The following AMPD3 variants were observed in gnomAD, a reference collection of about 807,000 sequenced individuals.
AMPD3 encodes adenosine monophosphate deaminase 3.
In AMPD3, 57 loss-of-function variants were observed where a neutral mutation model predicts 82.3. The observed-to-expected ratio is 0.69, with a 90% CI of 0.56 to 0.86. The LOEUF (loss-of-function observed/expected upper bound fraction) is 0.86. Ranked by LOEUF, AMPD3 falls within the 40% of genes least tolerant of loss-of-function variation. The probability of loss-of-function intolerance (pLI) is 0.00; values close to 1 mark genes in which losing one functional copy is unlikely to be tolerated. For missense variants in AMPD3, 870 were observed against 1,003.8 expected (o/e 0.87, Z 1.80); for synonymous variants, 381 against 394.7 (o/e 0.97, Z 0.41).
chr11:10,489,218 C>A (rs1264082084), intron 6 of AMPD3, among the ~76,000 whole-genome samples: 2 of 152,218 alleles, frequency 1.3e-5, no homozygotes, highest in Non-Finnish European at 2.9e-5. Context: ...CTCCTCTCAG[C>A]CCTGCCCAAA....
At chr11:10,493,651 C>T (rs1370428418) in intron 7 of AMPD3, 108 bp downstream of exon 7, 4 of 1,263,678 alleles carry the variant, frequency 3.2e-6, no homozygotes, top group South Asian at 1.3e-5. Flanking sequence ...GCTACGGAAG[C>T]AGCTTTCTCT....
intron 2 of AMPD3, among the ~76,000 whole-genome samples, chr11:10,472,518 T>G (rs974775667): frequency 6.6e-6 from 1 of 152,190 alleles, no homozygotes; most frequent in African/African-American, 2.4e-5. Context: ...GGACAGCCGC[T>G]TCCCTAGAAT....
intron 2 of AMPD3, among the ~76,000 whole-genome samples, chr11:10,471,249 T>A (rs1422866639): frequency 1.3e-5 from 2 of 152,070 alleles, no homozygotes. Context: ...TTGGGAAAAC[T>A]GGCTAGCCAT....
At chr11:10,480,668 C>A (rs11042833) in intron 3 of AMPD3, among the ~76,000 whole-genome samples, 1 of 151,210 alleles carries the variant, frequency 6.6e-6, no homozygotes, top group East Asian at 1.9e-4. Context: ...TTCTTTAAAC[C>A]TGTGAGAAAT....
rs905727075 is a variant in AMPD3, at chr11:10,488,679, C to G, written c.939+1315C>G. 2.0e-4 allele frequency among the ~76,000 whole-genome samples: 31 copies of G among 152,098 alleles called. 1 individual carries two copies. Among genetic ancestry groups the G allele is most frequent in the Admixed American group, 1.7e-3 (26 of 15,280 alleles). ...GTGGTGGCGAGCTGGGAGAGAAGCTCCTGGGGGAAGAGTCGGGATCAGGCT... is the reference window on the plus strand; with the variant it reads ...GTGGTGGCGAGCTGGGAGAGAAGCTGCTGGGGGAAGAGTCGGGATCAGGCT... On this transcript the variant is annotated intron_variant, in intron 6 of 14. Coordinates refer to ENST00000396553, the MANE Select transcript of AMPD3 (RefSeq NM_001025389.2).
chr11:10,457,412 A>C (rs1420496722), intron 1 of AMPD3, among the ~76,000 whole-genome samples: 10 of 152,070 alleles, frequency 6.6e-5, no homozygotes, highest in Non-Finnish European at 1.5e-4. Context: ...GAGCCTTATG[A>C]ATGTGAGTTG....
At position 10,455,321 on chromosome 11, in the gene AMPD3, C is replaced by T; in HGVS notation, c.-133C>T. The T allele has an allele frequency of 1.0e-6, 1 of 985,464 alleles. No homozygotes were observed. The highest frequency in any genetic ancestry group is 1.2e-6 in the Non-Finnish European group (1 of 829,974). The allele number at this position is 985,464 out of a possible 1,614,324, so 61.0% of individuals were successfully genotyped here. A position where few individuals can be genotyped will look rare whatever the true frequency, so the allele number is the denominator to read the frequency against. On this transcript the variant is annotated 5_prime_UTR_variant, in exon 1 of 15. Transcript: ENST00000396553. ...TTGCACCCTGTGATGCCATTTTAAT[C>T]AACCCTGCTTGGTTTTAGAGGATTG...
rs376493129 is a variant in AMPD3 at position 10,495,557 on chromosome 11, C to A, written c.1267-13C>A. The A allele has an allele frequency of 1.1e-4, 182 of 1,612,414 alleles. No individual in the cohort carries two copies. Among genetic ancestry groups the A allele is most frequent in the Middle Eastern group, 2.1e-4 (1 of 4,792 alleles). On this transcript the variant is annotated splice_polypyrimidine_tract_variant and intron_variant, in intron 8 of 14. Transcript: ENST00000396553. ...GGATGCACTGGGGCTGACCCAAGCT[C>A]TTCTTGTGCCAGGAGGTTGCCCGGG...
chr11:10,461,300 T>C, intron 1 of AMPD3: 1 of 1,543,036 alleles, frequency 6.5e-7, no homozygotes, highest in South Asian at 1.1e-5. Context: ...GAACACTTGC[T>C]TTCTCCTGAC....
At chr11:10,467,204 A>G (rs1442377146) in intron 2 of AMPD3, among the ~76,000 whole-genome samples, 1 of 152,200 alleles carries the variant, frequency 6.6e-6, no homozygotes, top group East Asian at 1.9e-4. Context: ...GAAGGTGGGT[A>G]ATAACAAACG....
upstream of AMPD3, among the ~76,000 whole-genome samples, chr11:10,451,961 G>A (rs1847974629): frequency 6.6e-6 from 1 of 152,194 alleles, no homozygotes; most frequent in Non-Finnish European, 1.5e-5. Flanking sequence ...CAGCAGGTCT[G>A]GGGTAGTTGG....
At chr11:10,487,017 T>C (rs35410520) in intron 5 of AMPD3, 77,214 of 984,598 alleles carry the variant, frequency 0.078, 3,344 homozygotes, top group Non-Finnish European at 0.087. Context: ...AGAGCTGGCC[T>C]GCTACTGCCC....
At chr11:10,471,689 T>G (rs1289442728) in intron 2 of AMPD3, among the ~76,000 whole-genome samples, 1 of 152,048 alleles carries the variant, frequency 6.6e-6, no homozygotes, top group Non-Finnish European at 1.5e-5. Flanking sequence ...AACAAACATA[T>G]GAAAAAATGC....
chr11:10,478,006 C>T, intron 2 of AMPD3: 9 of 985,458 alleles, frequency 9.1e-6, no homozygotes, highest in Non-Finnish European at 1.1e-5. Flanking sequence ...ATCCCTCTCT[C>T]TTCTGGCTCC....
chr11:10,475,295 A>G (rs1184564913), intron 2 of AMPD3, among the ~76,000 whole-genome samples: 2 of 152,150 alleles, frequency 1.3e-5, no homozygotes, highest in Non-Finnish European at 2.9e-5. Flanking sequence ...AGATGGTGCT[A>G]GACCATTCAT....
intron 2 of AMPD3, among the ~76,000 whole-genome samples, chr11:10,464,262 G>A (rs981627845): frequency 1.3e-5 from 2 of 152,230 alleles, no homozygotes; most frequent in Non-Finnish European, 2.9e-5. Context: ...GTACTAGCCT[G>A]TGTAGGTTGG....
chr11:10,478,657 C>T lies in AMPD3; in HGVS notation c.353C>T (p.Ser118Phe), dbSNP rs758624728. The T allele has an allele frequency of 1.9e-6, 3 of 1,614,240 alleles. No individual in the cohort carries two copies. The highest frequency in any genetic ancestry group is 2.5e-6 in the Non-Finnish European group (3 of 1,180,048). ...ACCCCTGTGGTCACTGGAGCCACTT[C>T]CCTGCCCACGCCAGCACCCTATGCC... Reference protein sequence around the residue: ...PTTPVVTGATSLPTPAPYAMP... With the variant: ...PTTPVVTGATFLPTPAPYAMP... The change falls in exon 3 of 15, where the codon TCC (serine) becomes TTC (phenylalanine). Residue 118 changes from serine to phenylalanine, a missense_variant. By Grantham distance (155) the Ser-to-Phe change is radical (BLOSUM62 -2). Coordinates refer to ENST00000396553, the MANE Select transcript of AMPD3 (RefSeq NM_001025389.2).
intron 2 of AMPD3, among the ~76,000 whole-genome samples, chr11:10,474,875 G>A (rs1228046410): frequency 6.6e-6 from 1 of 152,144 alleles, no homozygotes; most frequent in Non-Finnish European, 1.5e-5. Context: ...GCGCCCCAGG[G>A]GCTAGTGCAA....
chr11:10,504,757 C>A, intron 14 of AMPD3, 98 bp downstream of exon 14: 2 of 1,128,944 alleles, frequency 1.8e-6, no homozygotes, highest in Non-Finnish European at 2.7e-6. Flanking sequence ...ATGAACATAG[C>A]AGGCAGGGCC....
Sources: gnomAD v4.1 joint callset for allele counts (sites outside exome capture counted in the v4.1 genomes callset) on GRCh38, gnomAD v4.1.1 for gene constraint, MANE v1.5 for transcripts, NCBI Gene and HGNC (gene_info 2026-07-23, HGNC 2026-07-21) for gene names.